The following FGF13 variants were observed in gnomAD, a reference collection of about 807,000 sequenced individuals.
FGF13 encodes the protein fibroblast growth factor homologous factor 2.
A neutral mutation model predicts 19.5 loss-of-function variants in FGF13; 2 were observed. The observed-to-expected ratio is 0.10, with a 90% confidence interval of 0.04 to 0.32. The LOEUF is 0.32. Among genes scored for constraint, FGF13 ranks in the 10% least tolerant of loss-of-function variants. The pLI, the probability that FGF13 is intolerant of heterozygous loss-of-function variation, is 1.00. For synonymous variants in FGF13, 72 were observed against 76.9 expected (o/e 0.94, Z 0.33); for missense variants, 113 against 192.7 (o/e 0.59, Z 2.45).
At chrX:138,880,198 T>C (rs1432652748) in intron 1 of FGF13, among the ~76,000 whole-genome samples, 1 of 111,867 alleles carries the variant, frequency 8.9e-6, no homozygotes, top group Non-Finnish European at 1.9e-5. Context: ...CTGGAGAGGA[T>C]GTGAAGAAAT....
chrX:139,150,040 A>G (rs1234781301), intron 1 of FGF13, among the ~76,000 whole-genome samples: 1 of 111,826 alleles, frequency 8.9e-6, no homozygotes, highest in Non-Finnish European at 1.9e-5. Context: ...CCTACTTTAC[A>G]CAAAGTTTTT....
chrX:139,101,692 G>A (rs2083515676), intron 1 of FGF13, among the ~76,000 whole-genome samples: 1 of 112,316 alleles, frequency 8.9e-6, no homozygotes, highest in South Asian at 3.7e-4. Context: ...TGAAAATACA[G>A]ATTTTTAAAT....
At chrX:139,169,788 G>A (rs2084115067) in intron 1 of FGF13, among the ~76,000 whole-genome samples, 3 of 111,702 alleles carry the variant, frequency 2.7e-5, no homozygotes, top group Non-Finnish European at 5.6e-5. Context: ...CTCTAAAAGA[G>A]ATCAAGTTCA....
At chrX:138,803,274 C>T (rs1051320619) in intron 3 of FGF13, among the ~76,000 whole-genome samples, 2 of 112,263 alleles carry the variant, frequency 1.8e-5, no homozygotes, top group African/African-American at 6.5e-5. Context: ...TACATAATTG[C>T]TACTGCTGAA....
At chrX:139,187,935 C>G (rs1283778409) in intron 1 of FGF13, among the ~76,000 whole-genome samples, 6 of 110,482 alleles carry the variant, frequency 5.4e-5, no homozygotes, top group African/African-American at 2.0e-4. Context: ...CATGTTCTTG[C>G]TCATCACCTA....
intron 1 of FGF13, among the ~76,000 whole-genome samples, chrX:138,903,602 T>G (rs1464038195): frequency 1.8e-5 from 2 of 111,354 alleles, no homozygotes; most frequent in Non-Finnish European, 3.8e-5. Flanking sequence ...AATATCCACC[T>G]CATTTCTAGC....
chrX:138,984,595 A>AAGAAGAG (rs2091983240), intron 1 of FGF13, among the ~76,000 whole-genome samples: 1 of 34,384 alleles, frequency 2.9e-5, no homozygotes, highest in African/African-American at 1.0e-4. Flanking sequence ...AAGAAGGAGG[A>AAGAAGAG]GGAGGAGGAG....
rs1175198912 is a variant in FGF13 at position 138,705,767 on chromosome X, T to C, written c.299-2680A>G. 2.7e-5 allele frequency among the ~76,000 whole-genome samples: 3 copies of C among 112,300 alleles called. No individual in the cohort carries two copies. The East Asian group carries it at 8.4e-4, about 31-fold the overall frequency. On this transcript the variant is annotated intron_variant, in intron 2 of 4. Coordinates refer to ENST00000315930, the MANE Select transcript of FGF13 (RefSeq NM_004114.5). ...ATAAATATCCTCCTATGTGCTTTTG[T>C]TTCTCTATATCTGGTACCTTTCCTC...
At chrX:138,722,596 T>G (rs1447201862) in intron 1 of FGF13, among the ~76,000 whole-genome samples, 2 of 111,246 alleles carry the variant, frequency 1.8e-5, no homozygotes, top group Non-Finnish European at 3.8e-5. Context: ...GCTCCCGGGT[T>G]TTGATGAGAG....
At chrX:139,174,013 C>T (rs1255607019) in intron 1 of FGF13, among the ~76,000 whole-genome samples, 1 of 112,152 alleles carries the variant, frequency 8.9e-6, no homozygotes, top group African/African-American at 3.2e-5. Flanking sequence ...TTTACAGTCC[C>T]ACCAACAGTG....
chrX:138,853,439 C>A (rs758326848), downstream of FGF13, among the ~76,000 whole-genome samples: 1 of 111,203 alleles, frequency 9.0e-6, no homozygotes, highest in South Asian at 3.9e-4. Flanking sequence ...TACAAATATA[C>A]CCCCTTACCA....
chrX:138,885,892 T>C (rs2091449382), intron 1 of FGF13, among the ~76,000 whole-genome samples: 1 of 111,128 alleles, frequency 9.0e-6, no homozygotes, highest in Non-Finnish European at 1.9e-5. Flanking sequence ...ACCCTAAGCT[T>C]GAGCTAACTG....
chrX:138,950,387 T>C (rs574677777), intron 1 of FGF13, among the ~76,000 whole-genome samples: 1 of 112,414 alleles, frequency 8.9e-6, no homozygotes, highest in East Asian at 2.8e-4. Context: ...AGTACCATTT[T>C]GAGTGCCTAT....
chrX:139,194,811 G>C (rs191488559), intron 1 of FGF13, among the ~76,000 whole-genome samples: 58 of 111,896 alleles, frequency 5.2e-4, no homozygotes, highest in African/African-American at 1.7e-3. Flanking sequence ...ACCGGAGCGC[G>C]CAGTATCTTC....
intron 3 of FGF13, among the ~76,000 whole-genome samples, chrX:138,658,501 T>C (rs913678570): frequency 3.5e-5 from 4 of 112,779 alleles, no homozygotes; most frequent in Non-Finnish European, 7.5e-5. Context: ...GTTACAATTA[T>C]GACAAATTTA....
At chrX:138,859,569 A>G (rs569492497) in intron 2 of FGF13, among the ~76,000 whole-genome samples, 4 of 112,797 alleles carry the variant, frequency 3.5e-5, no homozygotes, top group Admixed American at 2.8e-4. Context: ...TCACAAATTG[A>G]CATTTCTGGA....
intron 1 of FGF13, among the ~76,000 whole-genome samples, chrX:138,899,555 A>G (rs1054399229): frequency 9.0e-6 from 1 of 111,048 alleles, no homozygotes; most frequent in African/African-American, 3.3e-5. Context: ...AGATTTCATG[A>G]GAAACTGAGG....
chrX:138,694,267 A>G (rs2089868224), intron 3 of FGF13, among the ~76,000 whole-genome samples: 1 of 111,467 alleles, frequency 9.0e-6, no homozygotes, highest in African/African-American at 3.3e-5. Flanking sequence ...TCATGGTATG[A>G]AATTAAAACA....
intron 3 of FGF13, among the ~76,000 whole-genome samples, chrX:138,802,976 T>C (rs1051552850): frequency 4.5e-5 from 5 of 111,745 alleles, no homozygotes; most frequent in African/African-American, 1.6e-4. Context: ...GCACCTCTGT[T>C]TATTAAGGAA....
Sources: allele counts gnomAD v4.1 joint callset (sites outside exome capture counted in the v4.1 genomes callset), GRCh38; gene constraint gnomAD v4.1.1; transcripts MANE v1.5; gene names NCBI Gene and HGNC (gene_info 2026-07-23, HGNC 2026-07-21).